The following PHRF1 variants were observed in gnomAD, a reference collection of about 807,000 sequenced individuals.
PHRF1 encodes PHD and ring finger domains 1.
In PHRF1, 53 loss-of-function variants were observed where a neutral mutation model predicts 128.9. The ratio of observed to expected loss-of-function variants is 0.41; its 90% CI spans 0.33 to 0.52. PHRF1 has a LOEUF of 0.52. Ranked by LOEUF, PHRF1 falls within the 20% of genes least tolerant of loss-of-function variation. The pLI, the probability that PHRF1 is intolerant of heterozygous loss-of-function variation, is 0.21. For missense variants in PHRF1, 2,503 were observed against 2,284.5 expected, an observed-to-expected ratio of 1.10 and a Z score of -1.95; for synonymous variants, 1,178 against 980.6, an observed-to-expected ratio of 1.20 and a Z score of -3.76.
At chr11:604,221 C>T (rs922931309) in intron 10 of PHRF1, among the ~76,000 whole-genome samples, 2 of 152,166 alleles carry the variant, frequency 1.3e-5, no homozygotes, top group Non-Finnish European at 2.9e-5. Context: ...CACTCCTGGG[C>T]GTCGTCCTGA....
Position 607,099 on chromosome 11 carries a change from T to C in PHRF1, c.1643T>C (p.Leu548Pro), listed in dbSNP as rs1855993748. The stretch of plus-strand genomic sequence containing the variant: ...TCTTTTCAGCGAAACTCAGGCAGTC[T>C]GTCCAGAGGGGAAGAAGGATTCAAG... ...PVSFQRNSGSLSRGEEGFKGC... is the reference protein window; with the variant it reads ...PVSFQRNSGSPSRGEEGFKGC... Residue 548 changes from leucine (L) to proline (P), a missense_variant, in exon 14 of 18, where the codon CTG (leucine) becomes CCG (proline). By Grantham distance (98) the Leu-to-Pro change is moderately conservative. Coordinates refer to ENST00000264555, the MANE Select transcript of PHRF1 (RefSeq NM_001286581.2). 6.4e-7 allele frequency: 1 copy of C among 1,570,932 alleles called. No homozygotes were observed.
intron 9 of PHRF1, among the ~76,000 whole-genome samples, chr11:599,614 A>C (rs746930361): frequency 5.9e-5 from 9 of 152,080 alleles, no homozygotes; most frequent in Non-Finnish European, 1.2e-4. Context: ...CCTAGGTTTG[A>C]CAGACGTAAC....
At position 583,270 on chromosome 11, in the gene PHRF1, C is replaced by T. The variant is rs185400383; in HGVS notation, c.214+1189C>T. 4.6e-4 allele frequency among the ~76,000 whole-genome samples: 69 copies of T among 150,882 alleles called. 1 individual carries two copies. In the East Asian group the frequency reaches 0.013, roughly 29 times the overall value. ...AGGAGAATTGCTGGAACCCGGGAGTCGGAGGTTGCAGTGAGCCAAGATCGC... is the reference window on the plus strand; with the variant it reads ...AGGAGAATTGCTGGAACCCGGGAGTTGGAGGTTGCAGTGAGCCAAGATCGC... On this transcript the variant is annotated intron_variant, in intron 3 of 17. Coordinates refer to ENST00000264555, the MANE Select transcript of PHRF1 (RefSeq NM_001286581.2).
intron 9 of PHRF1, among the ~76,000 whole-genome samples, chr11:599,764 G>C (rs1855519892): frequency 6.6e-6 from 1 of 151,752 alleles, no homozygotes; most frequent in African/African-American, 2.4e-5. Context: ...GTCTGGTGCA[G>C]GGTCCTGGGT....
intron 3 of PHRF1, among the ~76,000 whole-genome samples, 154 bp downstream of exon 3, chr11:582,235 C>T (rs887681879): frequency 2.6e-5 from 4 of 151,440 alleles, no homozygotes; most frequent in East Asian, 1.9e-4. Context: ...GCTGTGGTGA[C>T]GGCTCACTTT....
chr11:588,898 G>A (rs1176777328), intron 4 of PHRF1, among the ~76,000 whole-genome samples: 1 of 152,014 alleles, frequency 6.6e-6, no homozygotes, highest in Non-Finnish European at 1.5e-5. Flanking sequence ...AGCACTTCGG[G>A]AGGCCAAGGT....
intron 10 of PHRF1, among the ~76,000 whole-genome samples, chr11:602,752 TTTG>T (rs1855704692): frequency 7.1e-6 from 1 of 140,884 alleles, no homozygotes; most frequent in African/African-American, 3.2e-5. Flanking sequence ...CTTTTTTGGT[TTTG>T]TTTTTGTTTT....
intron 6 of PHRF1, 89 bp downstream of exon 6, chr11:592,763 A>T: frequency 7.1e-7 from 1 of 1,405,256 alleles, no homozygotes; most frequent in Non-Finnish European, 1.0e-6. Flanking sequence ...TCGCTCTGTG[A>T]AGTCTGAGTC....
intron 1 of PHRF1, among the ~76,000 whole-genome samples, chr11:581,041 C>G (rs898858076): frequency 1.3e-5 from 2 of 151,984 alleles, no homozygotes; most frequent in South Asian, 4.1e-4. Context: ...TCAGGCTGGT[C>G]TCAAACTCCC....
chr11:579,741 G>T (rs1854100246), intron 1 of PHRF1, among the ~76,000 whole-genome samples: 1 of 152,230 alleles, frequency 6.6e-6, no homozygotes, highest in African/African-American at 2.4e-5. Context: ...TTACTAATTT[G>T]GCAAAACTAC....
chr11:586,338 T>G (rs1035038132), intron 3 of PHRF1, among the ~76,000 whole-genome samples: 5 of 152,248 alleles, frequency 3.3e-5, no homozygotes, highest in African/African-American at 1.2e-4. Context: ...CTTAAAACTC[T>G]TCTGCTGCCT....
chr11:588,320 G>C (rs1394962657), intron 4 of PHRF1, among the ~76,000 whole-genome samples: 1 of 152,100 alleles, frequency 6.6e-6, no homozygotes, highest in Non-Finnish European at 1.5e-5. Flanking sequence ...GGTACTTCCT[G>C]TTCCTGTTCT....
Position 608,295 on chromosome 11 carries a change from G to C in PHRF1, c.2839G>C (p.Ala947Pro), listed in dbSNP as rs1462485356. 1 of 1,609,468 alleles carries C rather than the reference G, an allele frequency of 6.2e-7. No homozygotes were observed. Among genetic ancestry groups the C allele is most frequent in the Admixed American group, 1.7e-5 (1 of 59,618 alleles). Residue 947 changes from alanine (A) to proline (P), a missense_variant, in exon 14 of 18, where the codon GCG (alanine) becomes CCG (proline). Physicochemically the swap from Ala to Pro is conservative, Grantham distance 27 (BLOSUM62 -1). Transcript: ENST00000264555. ...AGAGCCCTGGGATGAGGAGGATGGG[G>C]CGTCTTGCAGCACCTTCTTTGGCTC... is the stretch of plus-strand genomic sequence containing the variant. ...PPEPWDEEDG[A>P]SCSTFFGSEE...
chr11:609,612 G>T lies in PHRF1; in HGVS notation c.4156G>T (p.Glu1386Ter). 6.3e-7 allele frequency: 1 copy of T among 1,589,398 alleles called. No individual in the cohort carries two copies. Among genetic ancestry groups the T allele is most frequent in the Admixed American group, 1.8e-5 (1 of 56,472 alleles). The change falls in exon 14 of 18, where the codon GAG (glutamate) becomes TAG (stop). Residue 1386 changes from glutamate to a stop codon, truncating the protein, a stop_gained. Transcript: ENST00000264555. LOFTEE classifies it high-confidence loss of function. ...GGTACAGGAGGCAGCCCGGCCTGAG[G>T]AGGTGGTTTCGCAGACCCCCCTGCT... ...GRVQEAARPE[E>*]VVSQTPLLRS...
Position 610,713 on chromosome 11 carries a change from G to T in PHRF1, c.4629G>T (p.Glu1543Asp). 2 of 1,602,838 alleles carry T rather than the reference G, an allele frequency of 1.2e-6. No individual in the cohort carries two copies. The highest frequency in any genetic ancestry group is 1.1e-5 in the South Asian group (1 of 91,088). The change falls in exon 16 of 18, where the codon GAG becomes GAT. Residue 1543 changes from glutamate to aspartate, a missense_variant. Coordinates refer to ENST00000264555, the MANE Select transcript of PHRF1 (RefSeq NM_001286581.2). ...CCACTGCAGCCAGCAACTCGGAGGA[G>T]AAGACCCCGGCCCCCAGGCTAGCTG... Reference protein sequence around the residue: ...SQATAASNSEEKTPAPRLAAE... With the variant: ...SQATAASNSEDKTPAPRLAAE...
intron 1 of PHRF1, among the ~76,000 whole-genome samples, chr11:577,573 C>T (rs754937259): frequency 3.3e-5 from 5 of 152,244 alleles, no homozygotes; most frequent in Non-Finnish European, 7.3e-5. Flanking sequence ...TGGCCTTGGC[C>T]CTCAGCAGGG....
Position 609,501 on chromosome 11 carries a change from C to G in PHRF1, c.4045C>G (p.Pro1349Ala). 1 of 1,603,214 alleles carries G rather than the reference C, an allele frequency of 6.2e-7. No homozygotes were observed. The highest frequency in any genetic ancestry group is 8.5e-7 in the Non-Finnish European group (1 of 1,178,344). ...CACCCAGGAGCCACATTTGCTCAGG[C>G]CGGACGCGGCTGAGAAGGCTGAGGC... The part of the protein sequence containing the change: ...EGTQEPHLLR[P>A]DAAEKAEAPS... Residue 1349 changes from proline to alanine, a missense_variant, in exon 14 of 18, where the codon CCG becomes GCG. Transcript: ENST00000264555.
chr11:585,840 C>G (rs1854519656), intron 3 of PHRF1, among the ~76,000 whole-genome samples: 1 of 151,538 alleles, frequency 6.6e-6, no homozygotes, highest in South Asian at 2.1e-4. Flanking sequence ...GCCACCGCGT[C>G]CAGCTAATTT....
chr11:588,381 T>A (rs1854713809), intron 4 of PHRF1, among the ~76,000 whole-genome samples: 2 of 152,110 alleles, frequency 1.3e-5, no homozygotes, highest in Non-Finnish European at 1.5e-5. Context: ...ACTTTTCTTT[T>A]TTTTTTTGTT....
Sources: gnomAD v4.1 joint callset for allele counts (sites outside exome capture counted in the v4.1 genomes callset) on GRCh38, gnomAD v4.1.1 for gene constraint, MANE v1.5 for transcripts, NCBI Gene and HGNC (gene_info 2026-07-23, HGNC 2026-07-21) for gene names.